DMBT1: variants seen among roughly 807,000 people sequenced by gnomAD.
DMBT1 encodes scavenger receptor cysteine-rich domain-containing protein DMBT1.
Under a neutral mutation model 252.9 loss-of-function variants are expected in DMBT1, and 198 were observed. The ratio of observed to expected loss-of-function variants is 0.78; its 90% confidence interval spans 0.70 to 0.88. The LOEUF (loss-of-function observed/expected upper bound fraction) is 0.88. Ranked by LOEUF, DMBT1 falls within the 40% of genes least tolerant of loss-of-function variation. The probability of loss-of-function intolerance (pLI) is 0.00; values close to 1 mark genes in which losing one functional copy is unlikely to be tolerated. For synonymous variants in DMBT1, 990 were observed against 942.7 expected (o/e 1.05, Z -0.92); for missense variants, 2,432 against 2,404.7 (o/e 1.01, Z -0.24).
chr10:122,571,084 G>T (rs536801209), intron 4 of DMBT1, 147 bp downstream of exon 4: 13 of 992,396 alleles, frequency 1.3e-5, no homozygotes, highest in Non-Finnish European at 2.0e-5. Context: ...CTTGCTCTGT[G>T]TATGTGCAAC....
At position 122,592,474 on chromosome 10, in the gene DMBT1, A is replaced by G. The variant is rs2097857142; in HGVS notation, c.2379A>G (p.Gly793=). 6 of 1,587,744 alleles carry G rather than the reference A, an allele frequency of 3.8e-6. 1 individual carries two copies. Among genetic ancestry groups the G allele is most frequent in the Non-Finnish European group, 5.1e-6 (6 of 1,165,568 alleles). ...ATGCCCGGTTTGGCCAGGGCTCAGG[A>G]CCCATTGTTCTGGATGATGTGCGCT... is the stretch of plus-strand genomic sequence containing the variant. ...PGNARFGQGS[G]PIVLDDVRCS... Residue 793 remains glycine (G), a synonymous_variant, in exon 20 of 56, where the codon GGA becomes GGG. Transcript: ENST00000338354.
intron 5 of DMBT1, 105 bp from the exon 6 acceptor site, chr10:122,573,610 A>C: frequency 7.2e-7 from 1 of 1,388,594 alleles, no homozygotes; most frequent in Non-Finnish European, 1.0e-6. Context: ...TGGTGCCCTT[A>C]GGACCTGTGC....
rs374741257 is a variant in DMBT1 at position 122,621,223 on chromosome 10, G to T, written c.5451G>T (p.Ser1817=). 1 of 1,613,806 alleles carries T rather than the reference G, an allele frequency of 6.2e-7. No homozygotes were observed. The highest frequency in any genetic ancestry group is 1.7e-5 in the Admixed American group (1 of 60,008). ...CRQLGCGWAM[S]APGNARFGQG... is the part of the protein sequence containing the mutation. Reference sequence around the variant, plus strand: ...AGCTGGGCTGTGGCTGGGCCATGTCGGCCCCAGGAAATGCCCGGTTTGGCC... The same window carrying T: ...AGCTGGGCTGTGGCTGGGCCATGTCTGCCCCAGGAAATGCCCGGTTTGGCC... The change falls in exon 44 of 56, where the codon TCG becomes TCT. Residue 1817 remains serine (S), a synonymous_variant. Transcript: ENST00000338354.
chr10:122,600,092 A>C lies in DMBT1; in HGVS notation c.3309A>C (p.Pro1103=). 6.2e-7 allele frequency: 1 copy of C among 1,606,828 alleles called. No individual in the cohort carries two copies. Among genetic ancestry groups the C allele is most frequent in the Non-Finnish European group, 8.5e-7 (1 of 1,178,076 alleles). The change falls in exon 27 of 56, where the codon CCA becomes CCC. Residue 1103 remains proline, a splice_region_variant and synonymous_variant. Transcript: ENST00000338354. Reference sequence around the variant, plus strand: ...CCCAGTCCCGGCCAACACCTAGTCCAGGTGGGTCCCCAGTGTCCTTCCTCA... The same window carrying C: ...CCCAGTCCCGGCCAACACCTAGTCCCGGTGGGTCCCCAGTGTCCTTCCTCA... ...SASQSRPTPS[P]DTWPTSHAST...
chr10:122,632,220 G>A (rs2098170808), intron 50 of DMBT1, among the ~76,000 whole-genome samples: 1 of 151,782 alleles, frequency 6.6e-6, no homozygotes, highest in African/African-American at 2.4e-5. Context: ...GCTGCTCTGA[G>A]TGTTCCCAGC....
In DMBT1 at chr10:122,634,891, G is replaced by A. The variant is rs544802251; in HGVS notation, c.6549-1100G>A. Among the ~76,000 whole-genome samples the A allele has an allele frequency of 2.6e-5, 4 of 152,322 alleles. No individual in the cohort carries two copies. The East Asian group carries it at 7.7e-4, about 29-fold the overall frequency. ...TGTTTGCTAGTGTCCTGAACAAGGG[G>A]CTACACTAATTTCTTCTCTAACAGC... On this transcript the variant is annotated intron_variant, in intron 52 of 55. Transcript: ENST00000338354.
At chr10:122,574,496 C>T (rs2097694463) in intron 6 of DMBT1, among the ~76,000 whole-genome samples, 1 of 152,168 alleles carries the variant, frequency 6.6e-6, no homozygotes, top group Non-Finnish European at 1.5e-5. Context: ...TTCCTCAGGT[C>T]GTCTTCTTTC....
Position 122,640,212 on chromosome 10 carries a change from T to C in DMBT1, c.7115T>C (p.Ile2372Thr). The change falls in exon 55 of 56, where the codon ATC (isoleucine) becomes ACC (threonine). Residue 2372 changes from isoleucine (I) to threonine (T), a missense_variant. Ile to Thr is a moderately conservative substitution (Grantham distance 89, BLOSUM62 -1). Around this residue, in one of 3 missense-constraint regions of DMBT1, gnomAD observed 1,162 missense variants for 1,169.0 expected, o/e 0.99. Coordinates refer to ENST00000338354, the MANE Select transcript of DMBT1 (RefSeq NM_001377530.1). ...ACCATCCACGTTGCTAATAACACCA[T>C]CCAGGTCGAGGAAGTCCAGTATGGC... The part of the protein sequence containing the change: ...NDTIHVANNT[I>T]QVEEVQYGNF... 1 of 1,614,038 alleles carries C rather than the reference T, an allele frequency of 6.2e-7. No homozygotes were observed. Among genetic ancestry groups the C allele is most frequent in the East Asian group, 2.2e-5 (1 of 44,882 alleles).
At chr10:122,572,882 G>T (rs1343403692) in intron 5 of DMBT1, among the ~76,000 whole-genome samples, 1 of 152,170 alleles carries the variant, frequency 6.6e-6, no homozygotes, top group Non-Finnish European at 1.5e-5. Context: ...ATTGAGGAGG[G>T]AACCCAGGCA....
intron 25 of DMBT1, 139 bp downstream of exon 25, chr10:122,598,151 G>A (rs77906423): frequency 0.04 from 52,312 of 1,299,206 alleles, 1,555 homozygotes; most frequent in African/African-American, 0.11. Flanking sequence ...GGAAGGTAGC[G>A]TCTCTGGGGA....
chr10:122,625,810 A>G (rs2098114628), intron 45 of DMBT1, 123 bp from the exon 46 acceptor site: 1 of 810,958 alleles, frequency 1.2e-6, no homozygotes, highest in Admixed American at 1.8e-5. Context: ...GTAAACTGGA[A>G]TGGTCAAGGC....
In DMBT1 at chr10:122,640,510, C is replaced by A. The variant is rs112615325; in HGVS notation, c.7352+61C>A. On this transcript the variant is annotated intron_variant, in intron 55 of 55. Coordinates refer to ENST00000338354, the MANE Select transcript of DMBT1 (RefSeq NM_001377530.1). ...TACTTGATAACTCAAACATGAGTAG[C>A]CCCAAAGGCTTGAAGAATGCAAATT... 2,741 of 1,512,996 alleles carry A rather than the reference C, an allele frequency of 1.8e-3. 45 individuals are homozygous for A. The African/African-American group carries it at 0.033, about 18-fold the overall frequency. The allele number at this position is 1,512,996 out of a possible 1,614,324, so 93.7% of individuals were successfully genotyped here. A position where few individuals can be genotyped will look rare whatever the true frequency, so the allele number is the denominator to read the frequency against.
intron 5 of DMBT1, among the ~76,000 whole-genome samples, chr10:122,572,935 C>G (rs112409712): frequency 9.8e-5 from 15 of 152,302 alleles, no homozygotes; most frequent in African/African-American, 3.1e-4. Context: ...AGATACTTAA[C>G]ATGCTCAATG....
chr10:122,577,905 T>G, intron 8 of DMBT1, 65 bp downstream of exon 8: 1 of 1,551,100 alleles, frequency 6.4e-7, no homozygotes, highest in Non-Finnish European at 8.9e-7. Context: ...CCTTCCCTAC[T>G]CCACAGAGCC....
chr10:122,589,225 C>A lies in DMBT1; in HGVS notation c.2065C>A (p.His689Asn). ...CTGCCCCAACAATGGCTGGCTCTCC[C>A]ACAACTGTGGCCATCATGAAGATGC... is the stretch of plus-strand genomic sequence containing the variant. ...WSCPNNGWLS[H>N]NCGHHEDAGV... is the part of the protein sequence containing the mutation. The change falls in exon 17 of 56, where the codon CAC becomes AAC. Residue 689 changes from histidine to asparagine, a missense_variant. Physicochemically the swap from His to Asn is moderately conservative, Grantham distance 68. Coordinates refer to ENST00000338354, the MANE Select transcript of DMBT1 (RefSeq NM_001377530.1). The A allele has an allele frequency of 6.3e-7, 1 of 1,588,518 alleles. No homozygotes were observed. The highest frequency in any genetic ancestry group is 2.3e-5 in the East Asian group (1 of 42,694).
intron 6 of DMBT1, among the ~76,000 whole-genome samples, chr10:122,574,692 T>G (rs1053459825): frequency 6.6e-6 from 1 of 152,192 alleles, no homozygotes; most frequent in African/African-American, 2.4e-5. Context: ...AATCTGTTCC[T>G]TCCTCTTGAG....
intron 46 of DMBT1, among the ~76,000 whole-genome samples, chr10:122,629,406 T>C (rs969177504): frequency 4.6e-5 from 7 of 152,198 alleles, no homozygotes; most frequent in African/African-American, 1.7e-4. Context: ...TACTTGTGAA[T>C]TGGCAGAGTC....
At chr10:122,575,584 C>T (rs1480051632) in intron 6 of DMBT1, among the ~76,000 whole-genome samples, 2 of 152,146 alleles carry the variant, frequency 1.3e-5, no homozygotes, top group Non-Finnish European at 2.9e-5. Context: ...GAGACTACCA[C>T]TACAAATACT....
intron 40 of DMBT1, among the ~76,000 whole-genome samples, chr10:122,617,742 T>C (rs1481549533): frequency 6.6e-6 from 1 of 151,628 alleles, no homozygotes; most frequent in Non-Finnish European, 1.5e-5. Context: ...CCATCCTGTG[T>C]GTGCCCAGAG....
Sources: allele counts gnomAD v4.1 joint callset (sites outside exome capture counted in the v4.1 genomes callset), GRCh38; gene constraint gnomAD v4.1.1; regional missense constraint gnomAD v4.1.1; transcripts MANE v1.5; gene names NCBI Gene and HGNC (gene_info 2026-07-23, HGNC 2026-07-21).